NEK10: variants seen among roughly 807,000 people sequenced by gnomAD.
NEK10 encodes serine/threonine-protein kinase Nek10.
Under a neutral mutation model 159.8 loss-of-function variants are expected in NEK10, and 122 were observed. That is an observed-to-expected ratio of 0.76 (90% CI 0.66 to 0.89). The LOEUF is 0.89. Among genes scored for constraint, NEK10 ranks in the 40% least tolerant of loss-of-function variants. NEK10 has a pLI of 0.00. For synonymous variants in NEK10, 466 were observed against 457.1 expected, an observed-to-expected ratio of 1.02 and a Z score of -0.25; for missense variants, 1,342 against 1,323.1, an observed-to-expected ratio of 1.01 and a Z score of -0.22.
intron 6 of NEK10, among the ~76,000 whole-genome samples, chr3:27,321,543 C>T (rs549853682): frequency 1.1e-3 from 166 of 152,224 alleles, no homozygotes; most frequent in African/African-American, 3.9e-3. Context: ...CATGGTGGCA[C>T]GTGCCTGTAG....
At chr3:27,142,892 C>T (rs1446056476) in intron 30 of NEK10, among the ~76,000 whole-genome samples, 1 of 152,176 alleles carries the variant, frequency 6.6e-6, no homozygotes, top group African/African-American at 2.4e-5. Flanking sequence ...CTAGTTCTAG[C>T]TCATCTGCAG....
intron 3 of NEK10, among the ~76,000 whole-genome samples, chr3:27,348,810 T>C (rs973882137): frequency 1.3e-5 from 2 of 152,158 alleles, no homozygotes; most frequent in African/African-American, 4.8e-5. Context: ...CATCTATTAA[T>C]CTTTGTGTTC....
intron 23 of NEK10, among the ~76,000 whole-genome samples, chr3:27,235,069 A>C (rs1953757456): frequency 6.6e-6 from 1 of 152,174 alleles, no homozygotes; most frequent in African/African-American, 2.4e-5. Flanking sequence ...CACAAGCAGA[A>C]AATTGAAACT....
chr3:27,168,787 T>C (rs1323389183), intron 29 of NEK10, among the ~76,000 whole-genome samples: 1 of 152,224 alleles, frequency 6.6e-6, no homozygotes, highest in Non-Finnish European at 1.5e-5. Flanking sequence ...CCTTGGAACA[T>C]ACTTTCCAAA....
intron 25 of NEK10, among the ~76,000 whole-genome samples, chr3:27,197,453 G>A (rs79061727): frequency 6.6e-6 from 1 of 152,170 alleles, no homozygotes; most frequent in East Asian, 1.9e-4. Flanking sequence ...TGGTATCACA[G>A]GTGTGAGCCA....
intron 31 of NEK10, among the ~76,000 whole-genome samples, chr3:27,140,193 T>C (rs1318197336): frequency 6.6e-6 from 1 of 152,174 alleles, no homozygotes; most frequent in African/African-American, 2.4e-5. Context: ...GAAAAGATTA[T>C]CTAGGTGTGG....
chr3:27,368,926 A>T (rs747508384), intron 1 of NEK10: 3 of 152,296 alleles, frequency 2.0e-5, no homozygotes, highest in Admixed American at 6.5e-5. Context: ...GAAGAGACAC[A>T]TTCAGGCTCC....
intron 32 of NEK10, among the ~76,000 whole-genome samples, chr3:27,129,037 G>C (rs114817667): frequency 1.3e-5 from 2 of 152,026 alleles, no homozygotes; most frequent in Admixed American, 6.6e-5. Flanking sequence ...TTCCAATTTA[G>C]ATGAATCTCT....
intron 31 of NEK10, 89 bp downstream of exon 31, chr3:27,141,393 A>T (rs1943771515): frequency 2.1e-6 from 2 of 959,728 alleles, no homozygotes; most frequent in East Asian, 4.9e-5. Flanking sequence ...CAAGAATTCA[A>T]TCTAAAGTCC....
chr3:27,227,874 G>T (rs1297209941), intron 23 of NEK10, among the ~76,000 whole-genome samples: 1 of 152,180 alleles, frequency 6.6e-6, no homozygotes, highest in Non-Finnish European at 1.5e-5. Context: ...ACTCTTGAGT[G>T]GTATAATAGC....
intron 26 of NEK10, among the ~76,000 whole-genome samples, chr3:27,188,892 G>A (rs1245983417): frequency 6.6e-6 from 1 of 152,056 alleles, no homozygotes; most frequent in South Asian, 2.1e-4. Flanking sequence ...GTCTTTAATT[G>A]ATTTTTCTGC....
intron 31 of NEK10, among the ~76,000 whole-genome samples, chr3:27,136,176 C>G (rs1306393516): frequency 1.4e-5 from 2 of 141,452 alleles, no homozygotes; most frequent in African/African-American, 5.3e-5. Context: ...GCAGTGGCGC[C>G]ATCTCATCTC....
chr3:27,162,092 AC>A (rs1946064320), intron 30 of NEK10, among the ~76,000 whole-genome samples: 1 of 152,198 alleles, frequency 6.6e-6, no homozygotes, highest in African/African-American at 2.4e-5. Context: ...AATATGACTT[AC>A]TTTCTTCATT....
chr3:27,239,605 C>T (rs150827854), intron 23 of NEK10, among the ~76,000 whole-genome samples: 180 of 152,316 alleles, frequency 1.2e-3, no homozygotes, highest in African/African-American at 4.0e-3. Context: ...TATCCCTCCT[C>T]ATCAGATGGG....
chr3:27,234,116 C>T (rs746342315), intron 23 of NEK10, among the ~76,000 whole-genome samples: 3 of 152,060 alleles, frequency 2.0e-5, no homozygotes, highest in East Asian at 1.9e-4. Context: ...TGAAGAAACA[C>T]ACCTCAAAAT....
chr3:27,162,695 A>G lies in NEK10; in HGVS notation c.2869+6T>C, dbSNP rs201668062. 7 of 1,613,652 alleles carry G rather than the reference A, an allele frequency of 4.3e-6. No homozygotes were observed. The highest frequency in any genetic ancestry group is 3.3e-5 in the Admixed American group (2 of 59,774). On this transcript the variant is annotated splice_donor_region_variant and intron_variant, in intron 30 of 35. Coordinates refer to ENST00000691995, the MANE Select transcript of NEK10 (RefSeq NM_001394966.1). ...TTTGATTTTATTGCTACCAACACTA[A>G]GTTACCTGGTCTTGGTCTTGATCCT...
intron 12 of NEK10, among the ~76,000 whole-genome samples, chr3:27,303,836 T>A (rs1342338910): frequency 4.6e-5 from 7 of 152,178 alleles, no homozygotes; most frequent in Admixed American, 4.6e-4. Context: ...AATTGATAAG[T>A]CCCTCTGCTT....
chr3:27,256,419 TATC>T, intron 22 of NEK10, 48 bp from the exon 23 acceptor site: 1 of 1,182,102 alleles, frequency 8.5e-7, no homozygotes, highest in Non-Finnish European at 1.2e-6. Context: ...TTCCCAGAGT[TATC>T]ATTGTTCCTT....
intron 14 of NEK10, 29 bp from the exon 15 acceptor site, chr3:27,295,719 G>C (rs1051633552): frequency 6.5e-7 from 1 of 1,546,646 alleles, no homozygotes; most frequent in South Asian, 1.2e-5. Context: ...CATACTATGA[G>C]TGACAACACT....
Sources: gnomAD v4.1 joint callset for allele counts (sites outside exome capture counted in the v4.1 genomes callset) on GRCh38, gnomAD v4.1.1 for gene constraint, MANE v1.5 for transcripts, NCBI Gene and HGNC (gene_info 2026-07-23, HGNC 2026-07-21) for gene names.